CNTN5: variants seen among roughly 807,000 people sequenced by gnomAD.
The protein encoded by CNTN5 is contactin-5.
A neutral mutation model predicts 129.1 loss-of-function variants in CNTN5; 77 were observed. The ratio of observed to expected loss-of-function variants is 0.60; its 90% CI spans 0.50 to 0.72. The LOEUF is 0.72. CNTN5 is among the 30% of genes least tolerant of loss of function. The probability of loss-of-function intolerance (pLI) is 0.00; values close to 1 mark genes in which losing one functional copy is unlikely to be tolerated. For synonymous variants in CNTN5, 509 were observed against 465.6 expected (o/e 1.09, Z -1.20); for missense variants, 1,478 against 1,328.8 (o/e 1.11, Z -1.75).
chr11:99,483,395 C>G lies in CNTN5; in HGVS notation c.-70-72750C>G, dbSNP rs118062394. 5.6e-3 allele frequency among the ~76,000 whole-genome samples: 846 copies of G among 152,084 alleles called. 35 individuals are homozygous for G. In the East Asian group the frequency reaches 0.092, roughly 17 times the overall value. On this transcript the variant is annotated intron_variant, in intron 2 of 24. Coordinates refer to ENST00000524871, the MANE Select transcript of CNTN5 (RefSeq NM_014361.4). ...CAACAATGTGTTTACTGGAGTTGTGCGCATGCTCACTTGAGGCATTTTTCC... is the reference window on the plus strand; with the variant it reads ...CAACAATGTGTTTACTGGAGTTGTGGGCATGCTCACTTGAGGCATTTTTCC...
chr11:99,788,452 T>C (rs900782118), intron 3 of CNTN5, among the ~76,000 whole-genome samples: 4 of 151,958 alleles, frequency 2.6e-5, no homozygotes, highest in Non-Finnish European at 4.4e-5. Context: ...AAACATCTCA[T>C]TAATTTATTG....
chr11:100,026,439 T>C (rs772505384), intron 9 of CNTN5, among the ~76,000 whole-genome samples: 4 of 152,156 alleles, frequency 2.6e-5, no homozygotes, highest in Non-Finnish European at 5.9e-5. Flanking sequence ...TATAGTATGT[T>C]TACTTTTGTA....
intron 1 of CNTN5, among the ~76,000 whole-genome samples, chr11:99,255,627 T>C (rs1450711909): frequency 6.6e-6 from 1 of 151,752 alleles, no homozygotes; most frequent in Non-Finnish European, 1.5e-5. Flanking sequence ...AATTTACATC[T>C]ATTTGTTAGT....
At chr11:100,327,675 T>G (rs1198050959) in intron 21 of CNTN5, among the ~76,000 whole-genome samples, 1 of 152,204 alleles carries the variant, frequency 6.6e-6, no homozygotes, top group Non-Finnish European at 1.5e-5. Flanking sequence ...GACTCACCAT[T>G]GATTCTCAGT....
In CNTN5 at chr11:99,819,458, A is replaced by C. The variant is rs1403069200; in HGVS notation, c.56-86A>C. ...TGCAGCTCCAAAGAAGGTTTTTAGT[A>C]ATGTCTTCAAAGAAACAATCTTCAT... is the stretch of plus-strand genomic sequence containing the variant. On this transcript the variant is annotated intron_variant, in intron 3 of 24. Coordinates refer to ENST00000524871, the MANE Select transcript of CNTN5 (RefSeq NM_014361.4). 34 of 1,167,152 alleles carry C rather than the reference A, an allele frequency of 2.9e-5. No individual in the cohort carries two copies. The Admixed American group carries it at 3.4e-4, about 12-fold the overall frequency. 72.3% of individuals were successfully genotyped at this position (1,167,152 alleles called of 1,614,324 possible).
intron 2 of CNTN5, among the ~76,000 whole-genome samples, chr11:99,417,324 A>T (rs1188395331): frequency 6.6e-6 from 1 of 152,312 alleles, no homozygotes; most frequent in East Asian, 1.9e-4. Context: ...TACACGGATT[A>T]TTAAAACACA....
At chr11:99,363,441 T>G (rs1158568447) in intron 2 of CNTN5, among the ~76,000 whole-genome samples, 3 of 152,120 alleles carry the variant, frequency 2.0e-5, no homozygotes, top group Admixed American at 2.0e-4. Context: ...CAAGTTTATT[T>G]GATACTCACA....
intron 2 of CNTN5, among the ~76,000 whole-genome samples, chr11:99,510,149 T>G (rs956787216): frequency 2.6e-5 from 4 of 152,050 alleles, no homozygotes; most frequent in African/African-American, 9.7e-5. Flanking sequence ...TATAATAATA[T>G]AGTCAAAAGA....
chr11:99,595,009 T>G (rs1011451915), intron 3 of CNTN5, among the ~76,000 whole-genome samples: 1 of 152,120 alleles, frequency 6.6e-6, no homozygotes, highest in Non-Finnish European at 1.5e-5. Context: ...ATCAATTAGT[T>G]GATTTCCTGA....
At chr11:100,126,381 G>T (rs1000321362) in intron 13 of CNTN5, among the ~76,000 whole-genome samples, 1 of 152,048 alleles carries the variant, frequency 6.6e-6, no homozygotes, top group Non-Finnish European at 1.5e-5. Flanking sequence ...TTGTAATACC[G>T]TCAGTTGGTC....
intron 9 of CNTN5, among the ~76,000 whole-genome samples, chr11:100,027,213 T>C (rs570299234): frequency 6.6e-6 from 1 of 152,224 alleles, no homozygotes; most frequent in Non-Finnish European, 1.5e-5. Context: ...ATTCTTTGCA[T>C]ACCTGAAAAT....
At chr11:100,102,759 A>C (rs11222777) in intron 13 of CNTN5, among the ~76,000 whole-genome samples, 38,217 of 152,018 alleles carry the variant, frequency 0.25, 5,588 homozygotes, top group East Asian at 0.57. Flanking sequence ...TCAGGACTGT[A>C]AGATTTTTAA....
chr11:99,034,126 A>G (rs886214949), intron 1 of CNTN5, among the ~76,000 whole-genome samples: 1 of 152,146 alleles, frequency 6.6e-6, no homozygotes, highest in African/African-American at 2.4e-5. Context: ...AGCCCACTTG[A>G]TCATGGTGGA....
At chr11:99,550,938 G>A (rs1409929824) in intron 2 of CNTN5, among the ~76,000 whole-genome samples, 2 of 152,092 alleles carry the variant, frequency 1.3e-5, no homozygotes, top group Non-Finnish European at 2.9e-5. Context: ...AAGAGTAAGA[G>A]CATTTGGCAA....
intron 17 of CNTN5, among the ~76,000 whole-genome samples, chr11:100,261,114 TCAATGGGCAAAAA>T (rs1950187261): frequency 6.6e-6 from 1 of 152,066 alleles, no homozygotes. Context: ...GATACAAAAA[TCAATGGGCAAAAA>T]TTACAAGCAT....
intron 1 of CNTN5, among the ~76,000 whole-genome samples, chr11:99,036,154 G>A (rs145989986): frequency 0.012 from 1,888 of 151,974 alleles, 40 homozygotes; most frequent in African/African-American, 0.043. Context: ...TTCACGTTGC[G>A]TATCGAAATG....
At chr11:100,311,374 A>C (rs1304191355) in intron 21 of CNTN5, among the ~76,000 whole-genome samples, 1 of 151,216 alleles carries the variant, frequency 6.6e-6, no homozygotes, top group Non-Finnish European at 1.5e-5. Context: ...AGTGAAAATC[A>C]AGGATTCTGT....
At chr11:99,927,944 C>G (rs1314771947) in intron 7 of CNTN5, among the ~76,000 whole-genome samples, 1 of 152,160 alleles carries the variant, frequency 6.6e-6, no homozygotes, top group Non-Finnish European at 1.5e-5. Flanking sequence ...CCTCTAACAT[C>G]AAAAGCAAGT....
intron 1 of CNTN5, among the ~76,000 whole-genome samples, chr11:99,086,131 T>C (rs1320637825): frequency 2.0e-5 from 3 of 152,202 alleles, no homozygotes; most frequent in South Asian, 2.1e-4. Context: ...ATAATTTGTA[T>C]TCATTCATTC....
Sources: allele counts gnomAD v4.1 joint callset (sites outside exome capture counted in the v4.1 genomes callset), GRCh38; gene constraint gnomAD v4.1.1; transcripts MANE v1.5; gene names NCBI Gene and HGNC (gene_info 2026-07-23, HGNC 2026-07-21).